WDR49: variants seen among roughly 807,000 people sequenced by gnomAD.
WDR49 encodes the protein cilia- and flagella-associated protein 337.
A neutral mutation model predicts 119.5 loss-of-function variants in WDR49; 107 were observed. The ratio of observed to expected loss-of-function variants is 0.90; its 90% CI spans 0.77 to 1.05. The LOEUF is 1.05. WDR49 is among the 50% of genes least tolerant of loss of function. The probability of loss-of-function intolerance (pLI) is 0.00; values close to 1 mark genes in which losing one functional copy is unlikely to be tolerated. For missense variants in WDR49, 1,240 were observed against 1,220.5 expected (o/e 1.02, Z -0.24); for synonymous variants, 425 against 418.8 (o/e 1.01, Z -0.18).
Position 167,653,421 on chromosome 3 carries a change from C to G in WDR49, c.5G>C (p.Ser2Thr), listed in dbSNP as rs886656555. 10 of 1,512,422 alleles carry G rather than the reference C, an allele frequency of 6.6e-6. No homozygotes were observed. The highest frequency in any genetic ancestry group is 8.8e-6 in the Non-Finnish European group (10 of 1,137,276). 93.7% of individuals were successfully genotyped at this position (1,512,422 alleles called of 1,614,324 possible). The change falls in exon 2 of 19, where the codon AGT becomes ACT. Residue 2 changes from serine to threonine, a missense_variant. Coordinates refer to ENST00000682715, the MANE Select transcript of WDR49 (RefSeq NM_001366157.1). ...TAACTCAAGTACAGCTTTCTGGCAA[C>G]TCATAATGGCTTCACCTTTTCTCAG... Reference protein sequence around the residue: MSCQKAVLELNI... With the variant: MTCQKAVLELNI...
intron 8 of WDR49, among the ~76,000 whole-genome samples, chr3:167,571,742 G>A (rs1482145990): frequency 1.3e-5 from 2 of 152,136 alleles, no homozygotes; most frequent in African/African-American, 2.4e-5. Flanking sequence ...CAATAGTTTT[G>A]TATTTGAGCT....
At chr3:167,510,929 T>A (rs2108219641) in intron 16 of WDR49, among the ~76,000 whole-genome samples, 1 of 151,980 alleles carries the variant, frequency 6.6e-6, no homozygotes, top group South Asian at 2.1e-4. Context: ...TTCACATTTT[T>A]ATTTTTCTTT....
At chr3:167,594,028 T>C (rs1715279201) in intron 7 of WDR49, among the ~76,000 whole-genome samples, 1 of 152,200 alleles carries the variant, frequency 6.6e-6, no homozygotes. Context: ...TGAGCAACTA[T>C]GAGCCAATGA....
chr3:167,508,677 T>C (rs1751862965), intron 16 of WDR49, among the ~76,000 whole-genome samples: 2 of 152,186 alleles, frequency 1.3e-5, no homozygotes, highest in Admixed American at 1.3e-4. Context: ...CTCCCCCAAA[T>C]AACAATTTGC....
At position 167,604,427 on chromosome 3, in the gene WDR49, T is replaced by C. The variant is rs1205495886; in HGVS notation, c.1000A>G (p.Thr334Ala). Residue 334 changes from threonine (T) to alanine (A), a missense_variant, in exon 6 of 19, where the codon ACC (threonine) becomes GCC (alanine). Thr to Ala is a moderately conservative substitution (Grantham distance 58). Coordinates refer to ENST00000682715, the MANE Select transcript of WDR49 (RefSeq NM_001366157.1). ...ATCACCACACTATTTGTATTGCTGGTTGTACTGGAAATGATAGCGTCTAAA... is the reference window on the plus strand; with the variant it reads ...ATCACCACACTATTTGTATTGCTGGCTGTACTGGAAATGATAGCGTCTAAA... ...ASLDAIISSTTSNTNSVVMAW... is the reference protein window; with the variant it reads ...ASLDAIISSTASNTNSVVMAW... The C allele has an allele frequency of 1.2e-6, 2 of 1,613,250 alleles. No individual in the cohort carries two copies. Among genetic ancestry groups the C allele is most frequent in the Non-Finnish European group, 8.5e-7 (1 of 1,179,722 alleles).
chr3:167,540,205 G>A (rs1711698462), intron 10 of WDR49, among the ~76,000 whole-genome samples: 1 of 152,166 alleles, frequency 6.6e-6, no homozygotes, highest in African/African-American at 2.4e-5. Flanking sequence ...CTGTCCATGT[G>A]ACAACTTCAC....
chr3:167,542,025 A>G (rs1711873540), intron 10 of WDR49, among the ~76,000 whole-genome samples: 1 of 150,794 alleles, frequency 6.6e-6, no homozygotes, highest in Non-Finnish European at 1.5e-5. Context: ...CCCCATGTCA[A>G]AAAAAAAAGA....
At position 167,576,305 on chromosome 3, in the gene WDR49, T is replaced by G. The variant is rs78998869; in HGVS notation, c.1276-154A>C. ...TCAATTCTGCCATAGCACCTATTAT[T>G]TTGTATTTCAGTCACCTGTTTAAAT... On this transcript the variant is annotated intron_variant, in intron 7 of 18. Coordinates refer to ENST00000682715, the MANE Select transcript of WDR49 (RefSeq NM_001366157.1). Among the ~76,000 whole-genome samples, 1,048 of 152,290 alleles carry G rather than the reference T, an allele frequency of 6.9e-3. 57 individuals carry two copies. In the East Asian group the frequency reaches 0.13, roughly 20 times the overall value.
At chr3:167,522,138 A>G (rs1374146001) in intron 16 of WDR49, among the ~76,000 whole-genome samples, 177 bp downstream of exon 16, 1 of 152,102 alleles carries the variant, frequency 6.6e-6, no homozygotes, top group Non-Finnish European at 1.5e-5. Flanking sequence ...AGAACCAAAT[A>G]TGGCCCCGAT....
chr3:167,573,801 T>C (rs1156580435), intron 8 of WDR49, among the ~76,000 whole-genome samples: 3 of 152,124 alleles, frequency 2.0e-5, no homozygotes, highest in Non-Finnish European at 4.4e-5. Flanking sequence ...GTCAATATGC[T>C]CCTAAGATCC....
upstream of WDR49, among the ~76,000 whole-genome samples, chr3:167,657,457 G>A (rs1718632184): frequency 6.6e-6 from 1 of 151,892 alleles, no homozygotes; most frequent in Non-Finnish European, 1.5e-5. Context: ...ACATCTCTAT[G>A]CCCACCATTG....
intron 16 of WDR49, among the ~76,000 whole-genome samples, chr3:167,514,173 A>G (rs1374958310): frequency 1.3e-5 from 2 of 152,224 alleles, no homozygotes; most frequent in South Asian, 4.1e-4. Flanking sequence ...TTGGTGCCAC[A>G]TGGCACTTCC....
chr3:167,654,209 T>C (rs1013087410), upstream of WDR49, among the ~76,000 whole-genome samples: 1 of 152,160 alleles, frequency 6.6e-6, no homozygotes. Flanking sequence ...AACTATATGA[T>C]TAGTCAAAGA....
At chr3:167,654,006 C>A (rs183224553), upstream of WDR49, 1 of 152,284 alleles carries the variant, frequency 6.6e-6, no homozygotes, top group Admixed American at 6.5e-5. Flanking sequence ...TGTTTCCTGG[C>A]AACCAACACA....
chr3:167,545,745 T>A (rs1381772064), intron 10 of WDR49, among the ~76,000 whole-genome samples: 1 of 150,304 alleles, frequency 6.7e-6, no homozygotes, highest in Non-Finnish European at 1.5e-5. Flanking sequence ...GATAAAAGAC[T>A]GCACATTGGG....
rs202244722 is a variant in WDR49 at position 167,495,721 on chromosome 3, C to CA, written c.3031+4431dup. 1.6e-3 allele frequency among the ~76,000 whole-genome samples: 233 copies of CA among 150,224 alleles called. 2 individuals are homozygous for CA. In the East Asian group the frequency reaches 0.035, roughly 23 times the overall value. ...ACTCCAAGTAGCATAAATACACACA[C>CA]AAAAAAAACAGTACTTAGACTCATC... is the stretch of plus-strand genomic sequence containing the variant. On this transcript the variant is annotated intron_variant, in intron 18 of 18. Coordinates refer to ENST00000682715, the MANE Select transcript of WDR49 (RefSeq NM_001366157.1).
At chr3:167,567,184 G>T (rs964425645) in intron 8 of WDR49, among the ~76,000 whole-genome samples, 1 of 152,092 alleles carries the variant, frequency 6.6e-6, no homozygotes, top group East Asian at 1.9e-4. Flanking sequence ...TAATCAGAAC[G>T]CTTCTGCCAG....
chr3:167,548,780 T>C (rs1055676835), intron 10 of WDR49, among the ~76,000 whole-genome samples: 1 of 152,116 alleles, frequency 6.6e-6, no homozygotes, highest in African/African-American at 2.4e-5. Context: ...GCCATGTTGG[T>C]GTGCTGCACC....
intron 3 of WDR49, among the ~76,000 whole-genome samples, chr3:167,621,855 G>T (rs763133082): frequency 6.6e-6 from 1 of 152,072 alleles, no homozygotes; most frequent in Non-Finnish European, 1.5e-5. Context: ...AGAGGCATTT[G>T]AACATGCTTT....
Sources: allele counts gnomAD v4.1 joint callset (sites outside exome capture counted in the v4.1 genomes callset), GRCh38; gene constraint gnomAD v4.1.1; transcripts MANE v1.5; gene names NCBI Gene and HGNC (gene_info 2026-07-23, HGNC 2026-07-21).